The following PPP4R2 variants were observed in gnomAD, a reference collection of about 807,000 sequenced individuals.
The protein encoded by PPP4R2 is serine/threonine-protein phosphatase 4 regulatory subunit 2.
In PPP4R2, 13 loss-of-function variants were observed where a neutral mutation model predicts 47.2. The observed-to-expected ratio is 0.28, with a 90% confidence interval of 0.18 to 0.44. The LOEUF is 0.44. Among genes scored for constraint, PPP4R2 ranks in the 20% least tolerant of loss-of-function variants. PPP4R2 has a pLI of 1.00. For synonymous variants in PPP4R2, 151 were observed against 163.3 expected, an observed-to-expected ratio of 0.92 and a Z score of 0.57; for missense variants, 421 against 491.2, an observed-to-expected ratio of 0.86 and a Z score of 1.35.
chr3:73,023,165 G>A (rs1380528695), intron 2 of PPP4R2, among the ~76,000 whole-genome samples: 1 of 136,808 alleles, frequency 7.3e-6, no homozygotes, highest in African/African-American at 2.9e-5. Flanking sequence ...TATGGAGTGA[G>A]GTTTCTTTTC....
rs373272660 is a variant in PPP4R2, at chr3:73,048,217, C to T, written c.287+861C>T. On this transcript the variant is annotated intron_variant, in intron 3 of 8. Transcript: ENST00000356692. ...AATGTTACTGTGTCTCATACTCTGT[C>T]ATTTTAAATTCTATTTTTGTAGGAC... 3.0e-4 allele frequency among the ~76,000 whole-genome samples: 46 copies of T among 151,944 alleles called. 1 individual carries two copies. The highest frequency in any genetic ancestry group is 1.5e-3 in the South Asian group (7 of 4,822).
At chr3:73,016,912 C>T (rs193195690) in intron 2 of PPP4R2, among the ~76,000 whole-genome samples, 1 of 149,982 alleles carries the variant, frequency 6.7e-6, no homozygotes, top group African/African-American at 2.5e-5. Flanking sequence ...CTGAAACCTC[C>T]ACCTCCCGGG....
At chr3:72,997,098 C>A (rs891467169) in intron 1 of PPP4R2, 27 bp downstream of exon 1, 4 of 1,347,072 alleles carry the variant, frequency 3.0e-6, no homozygotes, top group Non-Finnish European at 3.9e-6. Flanking sequence ...CCTCTCCATT[C>A]CCCCTCACCT....
Position 73,056,902 on chromosome 3 carries a change from T to C in PPP4R2, c.288-2135T>C, listed in dbSNP as rs145261927. Among the ~76,000 whole-genome samples the C allele has an allele frequency of 2.8e-3, 423 of 152,312 alleles. 7 individuals carry two copies. The highest frequency in any genetic ancestry group is 0.026 in the Admixed American group (404 of 15,306). ...TTAGGTTTTAATGTGGGAAAGAATT[T>C]TAGTAGGAAGAAAAAGCATAATGAC... On this transcript the variant is annotated intron_variant, in intron 3 of 8. Coordinates refer to ENST00000356692, the MANE Select transcript of PPP4R2 (RefSeq NM_174907.4).
chr3:73,048,920 T>A (rs1575877343), intron 3 of PPP4R2, among the ~76,000 whole-genome samples: 1 of 152,134 alleles, frequency 6.6e-6, no homozygotes, highest in Admixed American at 6.6e-5. Flanking sequence ...TACAAAAATA[T>A]TTTGTGGGGG....
chr3:73,055,358 A>G (rs976616076), intron 3 of PPP4R2, among the ~76,000 whole-genome samples: 2 of 151,620 alleles, frequency 1.3e-5, no homozygotes, highest in African/African-American at 2.4e-5. Context: ...GACAAGACCC[A>G]TGAGACCCAT....
chr3:73,004,249 C>G (rs887865599), intron 2 of PPP4R2, among the ~76,000 whole-genome samples: 25 of 151,646 alleles, frequency 1.6e-4, no homozygotes, highest in Admixed American at 3.9e-4. Context: ...CTATATTGCC[C>G]AGGCAGGTCT....
At chr3:73,032,285 A>C (rs1057069079) in intron 2 of PPP4R2, among the ~76,000 whole-genome samples, 4 of 146,564 alleles carry the variant, frequency 2.7e-5, no homozygotes, top group South Asian at 2.4e-4. Context: ...CTTTAAAATT[A>C]TTTCTTTTTT....
intron 2 of PPP4R2, among the ~76,000 whole-genome samples, chr3:73,004,120 G>A (rs1701543039): frequency 6.6e-6 from 1 of 152,032 alleles, no homozygotes; most frequent in African/African-American, 2.4e-5. Flanking sequence ...ACAGGCATGA[G>A]CCACTGCGCC....
intron 2 of PPP4R2, among the ~76,000 whole-genome samples, chr3:73,000,352 T>C (rs1217228265): frequency 6.6e-6 from 1 of 152,160 alleles, no homozygotes; most frequent in Non-Finnish European, 1.5e-5. Context: ...AAAAATTTCA[T>C]AGTTGTTTTT....
intron 2 of PPP4R2, among the ~76,000 whole-genome samples, chr3:72,999,130 C>T (rs1701409842): frequency 6.6e-6 from 1 of 152,174 alleles, no homozygotes; most frequent in Non-Finnish European, 1.5e-5. Context: ...ATTTAATGGT[C>T]ATGCCTGCAA....
chr3:73,045,394 T>A (rs1290800872), intron 2 of PPP4R2, among the ~76,000 whole-genome samples: 1 of 152,194 alleles, frequency 6.6e-6, no homozygotes, highest in Admixed American at 6.5e-5. Flanking sequence ...AGAATAAAAA[T>A]TGTCCAGACT....
chr3:73,047,156 A>G (rs767777143), intron 2 of PPP4R2, 30 bp from the exon 3 acceptor site: 4 of 1,250,838 alleles, frequency 3.2e-6, no homozygotes, highest in Middle Eastern at 2.7e-4. Flanking sequence ...GCTACATGGT[A>G]TTATATATTT....
In PPP4R2 at chr3:73,059,136, T is replaced by C. The variant is rs1702790499; in HGVS notation, c.381+6T>C. 7.2e-7 allele frequency: 1 copy of C among 1,380,228 alleles called. No homozygotes were observed. The highest frequency in any genetic ancestry group is 2.0e-5 in the Admixed American group (1 of 49,108). The allele number at this position is 1,380,228 out of a possible 1,614,324, so 85.5% of individuals were successfully genotyped here. A position where few individuals can be genotyped will look rare whatever the true frequency, so the allele number is the denominator to read the frequency against. On this transcript the variant is annotated splice_donor_region_variant and intron_variant, in intron 4 of 8. Transcript: ENST00000356692. Reference sequence around the variant, plus strand: ...TTCTCAGAGGAGTAGAAAAGGTATTTATTTTATTATTGGAATTATATTATG... The same window carrying C: ...TTCTCAGAGGAGTAGAAAAGGTATTCATTTTATTATTGGAATTATATTATG...
rs1702984527 is a variant in PPP4R2, at chr3:73,065,861, T to C, written c.*139T>C. 6.9e-6 allele frequency: 4 copies of C among 577,312 alleles called. No individual in the cohort carries two copies. Among genetic ancestry groups the C allele is most frequent in the Non-Finnish European group, 1.2e-5 (4 of 332,470 alleles). The allele number at this position is 577,312 out of a possible 1,614,324, so 35.8% of individuals were successfully genotyped here. A position where few individuals can be genotyped will look rare whatever the true frequency, so the allele number is the denominator to read the frequency against. On this transcript the variant is annotated 3_prime_UTR_variant, in exon 9 of 9. Transcript: ENST00000356692. ...AATAAAGTACTTTATGGATAATTCCTGAAAGAGTTGTACATGTAAGAACTG... is the reference window on the plus strand; with the variant it reads ...AATAAAGTACTTTATGGATAATTCCCGAAAGAGTTGTACATGTAAGAACTG...
intron 2 of PPP4R2, among the ~76,000 whole-genome samples, chr3:73,008,983 G>A (rs1701669891): frequency 6.6e-6 from 1 of 152,170 alleles, no homozygotes; most frequent in South Asian, 2.1e-4. Context: ...GGGATGTTGT[G>A]GGGATTAAAT....
intron 2 of PPP4R2, among the ~76,000 whole-genome samples, chr3:73,030,793 C>T (rs945319389): frequency 5.9e-5 from 9 of 151,846 alleles, no homozygotes. Context: ...CCTACGCCTC[C>T]CGGATTCAAG....
intron 2 of PPP4R2, among the ~76,000 whole-genome samples, chr3:73,039,596 A>T (rs1196205464): frequency 1.3e-5 from 2 of 152,096 alleles, no homozygotes; most frequent in African/African-American, 2.4e-5. Flanking sequence ...ACAATTTTTG[A>T]CTCCCAAGGA....
chr3:73,001,579 C>A (rs1242820494), intron 2 of PPP4R2, among the ~76,000 whole-genome samples: 2 of 152,232 alleles, frequency 1.3e-5, no homozygotes. Context: ...GTCTCAAACA[C>A]ACACATGCAC....
Sources: gnomAD v4.1 joint callset for allele counts (sites outside exome capture counted in the v4.1 genomes callset) on GRCh38, gnomAD v4.1.1 for gene constraint, MANE v1.5 for transcripts, NCBI Gene and HGNC (gene_info 2026-07-23, HGNC 2026-07-21) for gene names.